CTNNA3: variants seen among roughly 807,000 people sequenced by gnomAD.
CTNNA3 encodes the protein catenin alpha 3, also known as catenin alpha-3.
In CTNNA3, 76 loss-of-function variants were observed where a neutral mutation model predicts 95.7. The ratio of observed to expected loss-of-function variants is 0.79; its 90% confidence interval spans 0.66 to 0.96. The LOEUF (loss-of-function observed/expected upper bound fraction) is 0.96, where lower values mean the gene tolerates loss of function less well. Ranked by LOEUF, CTNNA3 falls within the 40% of genes least tolerant of loss-of-function variation. The pLI is 0.00. For missense variants in CTNNA3, 1,191 were observed against 1,089.8 expected (o/e 1.09, Z -1.31); for synonymous variants, 431 against 374.4 (o/e 1.15, Z -1.74).
chr10:66,533,618 C>T (rs965368832), intron 10 of CTNNA3, among the ~76,000 whole-genome samples: 8 of 152,236 alleles, frequency 5.3e-5, no homozygotes, highest in Admixed American at 1.3e-4. Context: ...TCCCAGGGTA[C>T]GTGGAAAGTG....
intron 13 of CTNNA3, among the ~76,000 whole-genome samples, chr10:66,228,844 T>G (rs2089450835): frequency 6.6e-6 from 1 of 152,192 alleles, no homozygotes. Context: ...GCATATATAC[T>G]TATAATTGTG....
At chr10:66,900,679 T>C (rs947843409) in intron 7 of CTNNA3, among the ~76,000 whole-genome samples, 16 of 152,076 alleles carry the variant, frequency 1.1e-4, no homozygotes, top group African/African-American at 3.9e-4. Context: ...AGAGAAGACC[T>C]TCAATGGCCT....
At chr10:67,668,862 G>A (rs1288904611) in intron 1 of CTNNA3, among the ~76,000 whole-genome samples, 36 of 129,938 alleles carry the variant, frequency 2.8e-4, no homozygotes, top group South Asian at 2.6e-4. Flanking sequence ...TTTTTGAGAC[G>A]GAGTCTCACA....
chr10:67,084,441 C>G (rs555046531), intron 7 of CTNNA3, among the ~76,000 whole-genome samples: 187 of 151,916 alleles, frequency 1.2e-3, no homozygotes, highest in Non-Finnish European at 2.2e-3. Context: ...AAGTGGAGAA[C>G]CAAATATTAA....
chr10:66,857,605 T>C (rs1843732511), intron 7 of CTNNA3, among the ~76,000 whole-genome samples: 1 of 151,968 alleles, frequency 6.6e-6, no homozygotes, highest in South Asian at 2.1e-4. Flanking sequence ...TTTTAATTCT[T>C]ATTGTAGATA....
chr10:66,812,722 A>C (rs1158469655), intron 7 of CTNNA3, among the ~76,000 whole-genome samples: 6 of 152,164 alleles, frequency 3.9e-5, no homozygotes, highest in African/African-American at 1.4e-4. Flanking sequence ...TTGCTATCTC[A>C]GGAAAGTCCT....
chr10:66,126,715 G>A (rs2082844404), intron 13 of CTNNA3, among the ~76,000 whole-genome samples: 1 of 152,096 alleles, frequency 6.6e-6, no homozygotes, highest in Admixed American at 6.6e-5. Context: ...GGAATAATTT[G>A]AGCAGTAAAA....
intron 5 of CTNNA3, among the ~76,000 whole-genome samples, chr10:67,324,375 T>C (rs1841453968): frequency 6.6e-6 from 1 of 152,208 alleles, no homozygotes; most frequent in African/African-American, 2.4e-5. Flanking sequence ...TGAATGAGTT[T>C]GTCATAGATG....
At chr10:66,589,419 T>C (rs1843472479) in intron 10 of CTNNA3, among the ~76,000 whole-genome samples, 1 of 152,112 alleles carries the variant, frequency 6.6e-6, no homozygotes, top group Non-Finnish European at 1.5e-5. Context: ...CCCTACCCCA[T>C]GAAACTGAGA....
intron 1 of CTNNA3, among the ~76,000 whole-genome samples, chr10:67,689,691 C>A (rs190301652): frequency 1.3e-5 from 2 of 152,166 alleles, no homozygotes; most frequent in East Asian, 3.9e-4. Flanking sequence ...TGTCAACCCT[C>A]GGCTCAGCCT....
chr10:66,686,843 T>C (rs1306655963), intron 9 of CTNNA3, among the ~76,000 whole-genome samples: 1 of 152,174 alleles, frequency 6.6e-6, no homozygotes, highest in Non-Finnish European at 1.5e-5. Context: ...TGAAATTTCA[T>C]GAAGAACAAA....
intron 7 of CTNNA3, among the ~76,000 whole-genome samples, chr10:66,865,637 C>T (rs188173216): frequency 1.7e-4 from 26 of 151,786 alleles, no homozygotes; most frequent in African/African-American, 6.0e-4. Flanking sequence ...AATATGTAAA[C>T]GTAATGGAAA....
chr10:67,137,135 C>T (rs1479919628), intron 7 of CTNNA3, among the ~76,000 whole-genome samples: 1 of 152,080 alleles, frequency 6.6e-6, no homozygotes, highest in East Asian at 1.9e-4. Context: ...GTCAACAGGC[C>T]TACAGCAGTA....
At chr10:67,115,563 T>A (rs1416147038) in intron 7 of CTNNA3, among the ~76,000 whole-genome samples, 2 of 151,830 alleles carry the variant, frequency 1.3e-5, no homozygotes, top group East Asian at 3.9e-4. Flanking sequence ...ATCAAAGGAA[T>A]TTCAGACTTG....
At chr10:66,916,407 G>A (rs1402364168) in intron 7 of CTNNA3, among the ~76,000 whole-genome samples, 1 of 152,156 alleles carries the variant, frequency 6.6e-6, no homozygotes, top group African/African-American at 2.4e-5. Context: ...AAAATAAAAT[G>A]ATTGCACCTA....
At chr10:67,625,530 G>C (rs1470646143) in intron 2 of CTNNA3, among the ~76,000 whole-genome samples, 1 of 152,132 alleles carries the variant, frequency 6.6e-6, no homozygotes, top group East Asian at 1.9e-4. Context: ...TCATTAACTT[G>C]AGTCATTTAT....
chr10:66,466,468 C>T (rs189242362), intron 11 of CTNNA3, among the ~76,000 whole-genome samples: 48 of 151,942 alleles, frequency 3.2e-4, no homozygotes, highest in African/African-American at 8.4e-4. Flanking sequence ...AAATCCATAA[C>T]GTGACCTATA....
intron 1 of CTNNA3, among the ~76,000 whole-genome samples, chr10:67,740,793 G>A (rs1406767610): frequency 6.6e-6 from 1 of 151,350 alleles, no homozygotes; most frequent in African/African-American, 2.4e-5. Context: ...ATTTGACCCA[G>A]CCATCCCATT....
At chr10:66,223,338 T>C (rs1299585405) in intron 13 of CTNNA3, among the ~76,000 whole-genome samples, 1 of 152,130 alleles carries the variant, frequency 6.6e-6, no homozygotes, top group Admixed American at 6.5e-5. Context: ...TATTTGTACA[T>C]TTGTACATTT....
Sources: gnomAD v4.1 joint callset for allele counts (sites outside exome capture counted in the v4.1 genomes callset) on GRCh38, gnomAD v4.1.1 for gene constraint, MANE v1.5 for transcripts, NCBI Gene and HGNC (gene_info 2026-07-23, HGNC 2026-07-21) for gene names.